Variants in PXDNL observed in about 807,000 individuals in gnomAD.
PXDNL encodes peroxidasin like, also known as probable oxidoreductase PXDNL.
In PXDNL, 145 loss-of-function variants were observed where a neutral mutation model predicts 150.8. The ratio of observed to expected loss-of-function variants is 0.96; its 90% CI spans 0.84 to 1.10. The LOEUF (loss-of-function observed/expected upper bound fraction) is 1.10, where lower values mean the gene tolerates loss of function less well. Ranked by LOEUF, PXDNL falls within the 50% of genes least tolerant of loss-of-function variation. PXDNL has a pLI of 0.00. For synonymous variants in PXDNL, 757 were observed against 725.7 expected, an observed-to-expected ratio of 1.04 and a Z score of -0.69; for missense variants, 2,087 against 1,873.9, an observed-to-expected ratio of 1.11 and a Z score of -2.10.
intron 1 of PXDNL, among the ~76,000 whole-genome samples, chr8:51,692,272 A>G (rs1266899371): frequency 6.6e-6 from 1 of 152,218 alleles, no homozygotes; most frequent in African/African-American, 2.4e-5. Context: ...GTTCTCAAAA[A>G]TCTCTTTCCA....
intron 1 of PXDNL, among the ~76,000 whole-genome samples, chr8:51,660,306 T>C (rs1006981223): frequency 1.3e-5 from 2 of 152,212 alleles, no homozygotes; most frequent in Non-Finnish European, 2.9e-5. Context: ...ATGCAAAATG[T>C]CGTTAAGACA....
At chr8:51,375,735 CAT>C (rs1179435064) in intron 17 of PXDNL, among the ~76,000 whole-genome samples, 1 of 152,168 alleles carries the variant, frequency 6.6e-6, no homozygotes, top group Non-Finnish European at 1.5e-5. Flanking sequence ...ACATTCTCTA[CAT>C]GTTTCTTCAT....
chr8:51,729,098 C>A (rs996630125), intron 1 of PXDNL, among the ~76,000 whole-genome samples: 1 of 152,148 alleles, frequency 6.6e-6, no homozygotes, highest in Non-Finnish European at 1.5e-5. Flanking sequence ...AGCCTGAGAG[C>A]ACAATGACAG....
intron 1 of PXDNL, among the ~76,000 whole-genome samples, chr8:51,718,696 A>T (rs1430007916): frequency 6.6e-6 from 1 of 152,198 alleles, no homozygotes; most frequent in African/African-American, 2.4e-5. Context: ...AAAGATGGAC[A>T]CATCTGCTTG....
intron 1 of PXDNL, among the ~76,000 whole-genome samples, chr8:51,682,054 G>A (rs950440145): frequency 6.6e-6 from 1 of 152,142 alleles, no homozygotes; most frequent in Non-Finnish European, 1.5e-5. Flanking sequence ...ATAACTGCAA[G>A]AGGAAAGTGA....
At chr8:51,613,837 G>A (rs1029288886) in intron 2 of PXDNL, among the ~76,000 whole-genome samples, 1 of 152,158 alleles carries the variant, frequency 6.6e-6, no homozygotes, top group Non-Finnish European at 1.5e-5. Context: ...CATTGCTTAA[G>A]TGAAAGTCAA....
chr8:51,434,748 A>G (rs772010539), intron 12 of PXDNL, among the ~76,000 whole-genome samples: 25 of 152,200 alleles, frequency 1.6e-4, no homozygotes, highest in Admixed American at 3.9e-4. Flanking sequence ...TATGATAATC[A>G]TGAGCATTTA....
intron 17 of PXDNL, among the ~76,000 whole-genome samples, chr8:51,407,510 T>G (rs1382101416): frequency 1.3e-5 from 2 of 152,184 alleles, no homozygotes; most frequent in African/African-American, 4.8e-5. Context: ...TTCCTGGAAA[T>G]GTATACTTGT....
chr8:51,683,730 A>G (rs1325612828), intron 1 of PXDNL, among the ~76,000 whole-genome samples: 2 of 152,166 alleles, frequency 1.3e-5, no homozygotes, highest in Admixed American at 6.5e-5. Context: ...CTCTTGATAG[A>G]ACATGCTTTC....
In PXDNL at chr8:51,673,577, A is replaced by G. The variant is rs183317309; in HGVS notation, c.165-18817T>C. On this transcript the variant is annotated intron_variant, in intron 1 of 22. Transcript: ENST00000356297. Reference sequence around the variant, plus strand: ...ATCAGGAAAATGAATGACCTTGAGAAGCAAGCAATGCCCTTGACTATGGGC... The same window carrying G: ...ATCAGGAAAATGAATGACCTTGAGAGGCAAGCAATGCCCTTGACTATGGGC... Among the ~76,000 whole-genome samples, 34 of 152,366 alleles carry G rather than the reference A, an allele frequency of 2.2e-4. No homozygotes were observed. The East Asian group carries it at 6.0e-3, about 27-fold the overall frequency.
intron 1 of PXDNL, among the ~76,000 whole-genome samples, chr8:51,739,644 G>T (rs1406616974): frequency 6.6e-6 from 1 of 152,042 alleles, no homozygotes; most frequent in African/African-American, 2.4e-5. Context: ...GGAGGCCGAG[G>T]CGGGTGGATC....
intron 2 of PXDNL, among the ~76,000 whole-genome samples, chr8:51,631,355 A>G (rs1289719008): frequency 6.6e-6 from 1 of 152,132 alleles, no homozygotes; most frequent in African/African-American, 2.4e-5. Context: ...TGGGTAATGA[A>G]ATAATCTGTA....
At chr8:51,339,939 T>C (rs769056072) in intron 20 of PXDNL, 186 bp from the exon 21 acceptor site, 62 of 504,038 alleles carry the variant, frequency 1.2e-4, no homozygotes, top group Non-Finnish European at 1.9e-4. Context: ...GATAAGATGA[T>C]AATCCAGAGT....
intron 1 of PXDNL, among the ~76,000 whole-genome samples, chr8:51,747,966 C>T (rs536654250): frequency 2.0e-5 from 3 of 152,126 alleles, no homozygotes; most frequent in East Asian, 1.9e-4. Context: ...CTCCCTGGGT[C>T]GCAGTTTCCT....
intron 6 of PXDNL, among the ~76,000 whole-genome samples, chr8:51,479,741 T>C (rs1023436087): frequency 5.3e-5 from 8 of 152,170 alleles, no homozygotes; most frequent in African/African-American, 1.9e-4. Flanking sequence ...GAGTGAGGGA[T>C]GAGAAATTAT....
rs78606815 is a variant in PXDNL, at chr8:51,660,753, G to A, written c.165-5993C>T. On this transcript the variant is annotated intron_variant, in intron 1 of 22. Coordinates refer to ENST00000356297, the MANE Select transcript of PXDNL (RefSeq NM_144651.5). ...CCTGAGCTACCATGAAGGGCAGGAG[G>A]GAGAAGCTGATTCCTAAAAGCTGGG... Among the ~76,000 whole-genome samples the A allele has an allele frequency of 5.4e-3, 826 of 152,276 alleles. 7 individuals are homozygous for A. The highest frequency in any genetic ancestry group is 0.035 in the South Asian group (170 of 4,804).
At chr8:51,322,692 G>C (rs1375868731) in intron 21 of PXDNL, among the ~76,000 whole-genome samples, 2 of 152,062 alleles carry the variant, frequency 1.3e-5, no homozygotes, top group Non-Finnish European at 2.9e-5. Flanking sequence ...GAGAAGAGGA[G>C]AACCCAAAAA....
chr8:51,508,701 C>A (rs1037716081), intron 4 of PXDNL, among the ~76,000 whole-genome samples: 1 of 152,160 alleles, frequency 6.6e-6, no homozygotes, highest in Admixed American at 6.5e-5. Flanking sequence ...ACCCACATTG[C>A]ACAGCCAGCC....
chr8:51,533,508 T>TCTCCCTCCCC, intron 4 of PXDNL, among the ~76,000 whole-genome samples: 1 of 36,260 alleles, frequency 2.8e-5, no homozygotes, highest in East Asian at 1.1e-3. Flanking sequence ...TCCCCCTCCC[T>TCTCCCTCCCC]CTCCCTCTCC....
Sources: allele counts gnomAD v4.1 joint callset (sites outside exome capture counted in the v4.1 genomes callset), GRCh38; gene constraint gnomAD v4.1.1; transcripts MANE v1.5; gene names NCBI Gene and HGNC (gene_info 2026-07-23, HGNC 2026-07-21).